Variants in C2orf80 observed in about 807,000 individuals in gnomAD.
The protein encoded by C2orf80 is uncharacterized protein C2orf80.
Under a neutral mutation model 30.2 loss-of-function variants are expected in C2orf80, and 28 were observed. The observed-to-expected ratio is 0.93, with a 90% CI of 0.69 to 1.27. The LOEUF is 1.27. Among genes scored for constraint, C2orf80 ranks in the 50% most tolerant of loss-of-function variants. The pLI, the probability that C2orf80 is intolerant of heterozygous loss-of-function variation, is 0.00. For missense variants in C2orf80, 220 were observed against 231.0 expected, an observed-to-expected ratio of 0.95 and a Z score of 0.31; for synonymous variants, 80 against 76.4, an observed-to-expected ratio of 1.05 and a Z score of -0.24.
chr2:208,171,071 C>T lies in C2orf80; in HGVS notation c.455-8G>A, dbSNP rs777974016. 1 of 1,584,392 alleles carries T rather than the reference C, an allele frequency of 6.3e-7. No individual in the cohort carries two copies. Among genetic ancestry groups the T allele is most frequent in the Non-Finnish European group, 8.7e-7 (1 of 1,152,752 alleles). ...CCTTTCTTGACTTGACACCTACAGA[C>T]AGATGCAGTAACCATATCTGTATAT... is the stretch of plus-strand genomic sequence containing the variant. On this transcript the variant is annotated splice_region_variant and splice_polypyrimidine_tract_variant and intron_variant, in intron 7 of 8. Transcript: ENST00000341287.
chr2:208,179,518 C>G lies in C2orf80; in HGVS notation c.366+1227G>C, dbSNP rs548227526. Among the ~76,000 whole-genome samples, 30 of 152,322 alleles carry G rather than the reference C, an allele frequency of 2.0e-4. No individual in the cohort carries two copies. In the South Asian group the frequency reaches 2.7e-3, roughly 14 times the overall value. ...TGAGGACGTTGGTGCCCCCCTTCCC[C>G]CCTCCCACTGCATGGCCCTCGCCAC... is the stretch of plus-strand genomic sequence containing the variant. On this transcript the variant is annotated intron_variant, in intron 6 of 8. Coordinates refer to ENST00000341287, the MANE Select transcript of C2orf80 (RefSeq NM_001099334.3).
At chr2:208,185,839 T>C (rs985663915) in intron 2 of C2orf80, among the ~76,000 whole-genome samples, 3 of 152,254 alleles carry the variant, frequency 2.0e-5, no homozygotes, top group Non-Finnish European at 4.4e-5. Context: ...GTAGCCTAAA[T>C]GTATTCTTTG....
chr2:208,184,148 T>C (rs1696644811), intron 3 of C2orf80, among the ~76,000 whole-genome samples: 1 of 152,130 alleles, frequency 6.6e-6, no homozygotes, highest in African/African-American at 2.4e-5. Flanking sequence ...GTTTGGTCAT[T>C]TGAAATGCAA....
At chr2:208,186,818 G>A (rs1015986612) in intron 2 of C2orf80, 128 bp downstream of exon 2, 1 of 834,858 alleles carries the variant, frequency 1.2e-6, no homozygotes, top group Non-Finnish European at 2.0e-6. Context: ...ATCATCCTCT[G>A]GTTTTCTCCT....
chr2:208,179,755 G>T (rs62194838), intron 6 of C2orf80, among the ~76,000 whole-genome samples: 1 of 151,034 alleles, frequency 6.6e-6, no homozygotes, highest in Non-Finnish European at 1.5e-5. Flanking sequence ...GGAAAGGGAC[G>T]CATCTAGGGT....
intron 1 of C2orf80, among the ~76,000 whole-genome samples, chr2:208,189,188 A>G (rs902125730): frequency 5.3e-5 from 8 of 152,368 alleles, no homozygotes; most frequent in African/African-American, 1.9e-4. Context: ...GGCAGGGAGT[A>G]AGGCACAGTT....
chr2:208,183,244 A>G (rs144565400), intron 3 of C2orf80, among the ~76,000 whole-genome samples, 197 bp from the exon 4 acceptor site: 2 of 151,614 alleles, frequency 1.3e-5, no homozygotes, highest in Non-Finnish European at 2.9e-5. Context: ...ACAGGGATGA[A>G]TCAGCCAGAA....
chr2:208,186,067 C>T (rs1195022739), intron 2 of C2orf80, among the ~76,000 whole-genome samples: 3 of 152,118 alleles, frequency 2.0e-5, no homozygotes, highest in Non-Finnish European at 2.9e-5. Flanking sequence ...TTCCTGAAGT[C>T]TGATGCCAAT....
chr2:208,177,007 A>ATCTGTATACATATGTG (rs1209755563), intron 6 of C2orf80, among the ~76,000 whole-genome samples: 1 of 56,678 alleles, frequency 1.8e-5, no homozygotes, highest in Non-Finnish European at 3.9e-5. Flanking sequence ...ATATATACAT[A>ATCTGTATACATATGTG]TATACAGATA....
intron 6 of C2orf80, among the ~76,000 whole-genome samples, chr2:208,173,327 A>G (rs1208682275): frequency 2.0e-5 from 3 of 152,094 alleles, no homozygotes; most frequent in South Asian, 2.1e-4. Flanking sequence ...CTAATATCCT[A>G]TTTATAAAAA....
chr2:208,166,680 T>G (rs891698028), intron 8 of C2orf80, among the ~76,000 whole-genome samples: 5 of 151,874 alleles, frequency 3.3e-5, no homozygotes, highest in African/African-American at 1.2e-4. Context: ...AGACGGTGTC[T>G]CACTCTGTCA....
intron 8 of C2orf80, among the ~76,000 whole-genome samples, chr2:208,166,939 C>T (rs868217444): frequency 2.6e-4 from 40 of 152,134 alleles, no homozygotes; most frequent in Middle Eastern, 3.4e-3. Context: ...CGTGAGCCAC[C>T]ATGCCTGGCC....
intron 6 of C2orf80, among the ~76,000 whole-genome samples, chr2:208,176,513 C>G (rs1009080309): frequency 6.6e-6 from 1 of 152,176 alleles, no homozygotes; most frequent in Non-Finnish European, 1.5e-5. Context: ...CTCCTTGCAT[C>G]TAATGGGCAG....
intron 6 of C2orf80, among the ~76,000 whole-genome samples, chr2:208,177,119 G>C (rs988544713): frequency 9.7e-6 from 1 of 102,660 alleles, no homozygotes; most frequent in African/African-American, 5.1e-5. Context: ...TCAATGGCTC[G>C]ATTTTATATA....
intron 8 of C2orf80, 134 bp downstream of exon 8, chr2:208,170,811 G>T (rs1696073980): frequency 4.3e-6 from 3 of 705,752 alleles, no homozygotes; most frequent in Admixed American, 2.2e-5. Flanking sequence ...ATGTCCCATA[G>T]CTGGTAAGCA....
At chr2:208,175,641 G>C (rs577552954) in intron 6 of C2orf80, among the ~76,000 whole-genome samples, 20 of 152,222 alleles carry the variant, frequency 1.3e-4, no homozygotes, top group African/African-American at 3.9e-4. Flanking sequence ...TTAAGCTTTT[G>C]CTTGGGAAGG....
intron 6 of C2orf80, among the ~76,000 whole-genome samples, chr2:208,176,887 G>C (rs983393767): frequency 0.027 from 1,922 of 69,986 alleles, 192 homozygotes; most frequent in African/African-American, 0.09. Flanking sequence ...GTATACATAG[G>C]TGTATATATA....
chr2:208,179,252 A>T (rs191757129), intron 6 of C2orf80, among the ~76,000 whole-genome samples: 31 of 152,382 alleles, frequency 2.0e-4, no homozygotes, highest in Admixed American at 1.5e-3. Context: ...TCAGGACTAC[A>T]GTCAGGTTAC....
Position 208,185,102 on chromosome 2 carries a change from T to C in C2orf80, c.42-70A>G, listed in dbSNP as rs942508019. The C allele has an allele frequency of 9.6e-6, 11 of 1,151,330 alleles. No individual in the cohort carries two copies. In the Middle Eastern group the frequency reaches 9.8e-4, roughly 103 times the overall value. The allele number at this position is 1,151,330 out of a possible 1,614,324, so 71.3% of individuals were successfully genotyped here. A position where few individuals can be genotyped will look rare whatever the true frequency, so the allele number is the denominator to read the frequency against. On this transcript the variant is annotated intron_variant, in intron 2 of 8. Coordinates refer to ENST00000341287, the MANE Select transcript of C2orf80 (RefSeq NM_001099334.3). Reference sequence around the variant, plus strand: ...CTCAGTCTGCAGAAAAAGGCTTTTTTTTTTCCCATCCCTCCCTCCCCCACC... The same window carrying C: ...CTCAGTCTGCAGAAAAAGGCTTTTTCTTTTCCCATCCCTCCCTCCCCCACC...
Sources: allele counts gnomAD v4.1 joint callset (sites outside exome capture counted in the v4.1 genomes callset), GRCh38; gene constraint gnomAD v4.1.1; transcripts MANE v1.5; gene names NCBI Gene and HGNC (gene_info 2026-07-23, HGNC 2026-07-21).